The following NCOR2 variants were observed in gnomAD, a reference collection of about 807,000 sequenced individuals.
NCOR2 encodes the protein CTG repeat protein 26.
In NCOR2, 81 loss-of-function variants were observed where a neutral mutation model predicts 262.9. That is an observed-to-expected ratio of 0.31 (90% CI 0.26 to 0.37). NCOR2 has a LOEUF of 0.37. Among genes scored for constraint, NCOR2 ranks in the 10% least tolerant of loss-of-function variants. NCOR2 has a pLI of 1.00. For synonymous variants in NCOR2, 1,659 were observed against 1,559.3 expected (o/e 1.06, Z -1.51); for missense variants, 3,385 against 3,621.4 (o/e 0.93, Z 1.68).
intron 4 of NCOR2, among the ~76,000 whole-genome samples, chr12:124,467,763 C>CCCCA (rs1565970417): frequency 9.0e-6 from 1 of 110,646 alleles, no homozygotes; most frequent in African/African-American, 3.5e-5. Context: ...TCTTCATCAC[C>CCCCA]CCCATCACCC....
At chr12:124,485,624 C>G (rs538400951) in intron 2 of NCOR2, among the ~76,000 whole-genome samples, 2 of 152,234 alleles carry the variant, frequency 1.3e-5, no homozygotes, top group Non-Finnish European at 2.9e-5. Flanking sequence ...TCGGCCTCCC[C>G]TCCTCCAGAC....
intron 10 of NCOR2, among the ~76,000 whole-genome samples, chr12:124,427,436 G>A (rs1281713277): frequency 6.6e-6 from 1 of 152,180 alleles, no homozygotes; most frequent in Admixed American, 6.5e-5. Context: ...CACTCAGCTG[G>A]GCTCACTTCC....
chr12:124,499,255 G>A (rs1341204524), upstream of NCOR2, among the ~76,000 whole-genome samples: 1 of 152,276 alleles, frequency 6.6e-6, no homozygotes, highest in Non-Finnish European at 1.5e-5. Flanking sequence ...ATCCGGGCTG[G>A]AGGGGGAATT....
chr12:124,423,157 G>A (rs531955100), intron 11 of NCOR2, among the ~76,000 whole-genome samples: 1 of 152,212 alleles, frequency 6.6e-6, no homozygotes, highest in African/African-American at 2.4e-5. Flanking sequence ...GCGTAGCCAG[G>A]AGAATTACTG....
In NCOR2 at chr12:124,411,697, T is replaced by C. The variant is rs551438431; in HGVS notation, c.1482+8260A>G. Among the ~76,000 whole-genome samples the C allele has an allele frequency of 2.6e-5, 4 of 152,366 alleles. No homozygotes were observed. In the South Asian group the frequency reaches 6.2e-4, roughly 24 times the overall value. ...CCTTCCATCAATGAATCATGGACTATAAACCACTGTGCCAGCGCTTGAGCT... is the reference window on the plus strand; with the variant it reads ...CCTTCCATCAATGAATCATGGACTACAAACCACTGTGCCAGCGCTTGAGCT... On this transcript the variant is annotated intron_variant, in intron 13 of 46. Coordinates refer to ENST00000405201, the Ensembl canonical transcript of NCOR2.
chr12:124,333,682 G>A (rs972354085), intron 41 of NCOR2, among the ~76,000 whole-genome samples: 6 of 145,220 alleles, frequency 4.1e-5, no homozygotes, highest in Admixed American at 2.1e-4. Flanking sequence ...CCACCAAAAC[G>A]CCTCCTTCAC....
intron 10 of NCOR2, 139 bp from the exon 13 acceptor site, chr12:124,426,939 G>T: frequency 1.4e-6 from 1 of 727,936 alleles, no homozygotes; most frequent in Non-Finnish European, 2.1e-6. Flanking sequence ...GAAGGAGAAT[G>T]ATGAGTTTAA....
At position 124,431,242 on chromosome 12, in the gene NCOR2, G is replaced by T. The variant is rs376527563; in HGVS notation, c.883-455C>A. On this transcript the variant is annotated intron_variant, in intron 8 of 46. Transcript: ENST00000405201. ...GTCAGACAGATATACACAGGCACAC[G>T]TACATACAGGCACACACAAGTCACA... Among the ~76,000 whole-genome samples the T allele has an allele frequency of 3.5e-3, 456 of 128,992 alleles. 3 individuals carry two copies. The highest frequency in any genetic ancestry group is 0.013 in the African/African-American group (426 of 34,068). 84.6% of individuals were successfully genotyped at this position (128,992 alleles called of 152,430 possible). A position where few individuals can be genotyped will look rare whatever the true frequency, so the allele number is the denominator to read the frequency against.
upstream of NCOR2, among the ~76,000 whole-genome samples, chr12:124,497,308 A>AGGAT (rs2048429122): frequency 6.6e-6 from 1 of 152,226 alleles, no homozygotes; most frequent in South Asian, 2.1e-4. This position sits in a 1 kb window ranked among gnomAD's most constrained non-coding sequence, Gnocchi z 4.2. Flanking sequence ...GCCCCGAGAC[A>AGGAT]GGATGTATGG....
At chr12:124,372,738 C>T (rs972581545) in intron 19 of NCOR2, 128 bp from the exon 22 acceptor site, 21 of 779,552 alleles carry the variant, frequency 2.7e-5, no homozygotes, top group Non-Finnish European at 4.0e-5. Flanking sequence ...GAGGCTCCTA[C>T]ACACCTGGGC....
At chr12:124,361,273 A>G (rs2038573046) in intron 22 of NCOR2, among the ~76,000 whole-genome samples, 1 of 152,002 alleles carries the variant, frequency 6.6e-6, no homozygotes, top group Non-Finnish European at 1.5e-5. Context: ...AGACCTTTGG[A>G]GCAGCCTGCC....
At chr12:124,527,217 C>T (rs184407460) in intron 1 of NCOR2, among the ~76,000 whole-genome samples, 12 of 152,208 alleles carry the variant, frequency 7.9e-5, no homozygotes, top group East Asian at 5.8e-4. Context: ...CGCACAGACG[C>T]GGCCACAGCA....
chr12:124,373,788 CGGTGG>C (rs1227683882), intron 19 of NCOR2, among the ~76,000 whole-genome samples: 696 of 14,476 alleles, frequency 0.048, 231 homozygotes, highest in African/African-American at 0.078. Context: ...GCCCTGGGCA[CGGTGG>C]ACAATCATGA....
exon 14 of NCOR2, chr12:124,402,414 C>G (rs1421416158): frequency 6.2e-7 from 1 of 1,614,024 alleles, no homozygotes; most frequent in Non-Finnish European, 8.5e-7. Context: ...TTGAGGAGGT[C>G]TTCCTTGTCG....
intron 41 of NCOR2, among the ~76,000 whole-genome samples, chr12:124,334,011 T>G (rs537620861): frequency 8.7e-4 from 133 of 152,194 alleles, no homozygotes; most frequent in African/African-American, 3.1e-3. Context: ...TGCGCATGTG[T>G]GTGGGTGTGC....
intron 37 of NCOR2, among the ~76,000 whole-genome samples, chr12:124,337,850 G>A (rs1243395838): frequency 6.6e-6 from 1 of 152,228 alleles, no homozygotes; most frequent in African/African-American, 2.4e-5. Flanking sequence ...CCTTCCCGGA[G>A]CCCTGCGTTT....
chr12:124,466,367 C>A (rs1377959379), intron 4 of NCOR2, 81 bp from the exon 7 acceptor site: 5 of 1,282,614 alleles, frequency 3.9e-6, no homozygotes, highest in Non-Finnish European at 5.4e-6. Context: ...GCGGGGAGGC[C>A]CCCTTGCAGC....
intron 41 of NCOR2, chr12:124,334,199 T>G: frequency 4.2e-6 from 2 of 472,764 alleles, no homozygotes; most frequent in Non-Finnish European, 3.7e-6. Flanking sequence ...AGGGTACACG[T>G]GAGTGCCTGG....
intron 43 of NCOR2, 68 bp downstream of exon 45, chr12:124,332,251 A>C: frequency 6.3e-7 from 1 of 1,589,964 alleles, no homozygotes; most frequent in Non-Finnish European, 8.6e-7. Context: ...GGGCGGCTCC[A>C]GCTGCCCAGG....
Sources: gnomAD v4.1 joint callset for allele counts (sites outside exome capture counted in the v4.1 genomes callset) on GRCh38, gnomAD v4.1.1 for gene constraint, Gnocchi (gnomAD v3.1) non-coding constraint, MANE v1.5 for transcripts, NCBI Gene and HGNC (gene_info 2026-07-23, HGNC 2026-07-21) for gene names.